Variants in CTSC observed in about 807,000 individuals in gnomAD.
CTSC encodes dipeptidyl peptidase 1.
A neutral mutation model predicts 40.9 loss-of-function variants in CTSC; 37 were observed. That is an observed-to-expected ratio of 0.91 (90% CI 0.70 to 1.19). The LOEUF (loss-of-function observed/expected upper bound fraction) is 1.19. CTSC is among the 50% of genes most tolerant of loss of function. The probability of loss-of-function intolerance (pLI) is 0.00; values close to 1 mark genes in which losing one functional copy is unlikely to be tolerated. For missense variants in CTSC, 594 were observed against 567.3 expected (o/e 1.05, Z -0.48); for synonymous variants, 232 against 207.4 (o/e 1.12, Z -1.02).
At chr11:88,313,467 A>C (rs1025488216) in intron 2 of CTSC, among the ~76,000 whole-genome samples, 10 of 152,206 alleles carry the variant, frequency 6.6e-5, no homozygotes, top group Non-Finnish European at 1.5e-4. Context: ...ACTTTATTTC[A>C]GTAATATGGC....
chr11:88,315,387 A>C (rs572696660), intron 2 of CTSC, among the ~76,000 whole-genome samples: 20 of 152,350 alleles, frequency 1.3e-4, no homozygotes, highest in Admixed American at 1.2e-3. Context: ...GAAAATGCCC[A>C]AATTTAAAAA....
intron 2 of CTSC, chr11:88,328,008 A>G (rs1938237830): frequency 1.3e-6 from 1 of 796,440 alleles, no homozygotes; most frequent in Admixed American, 1.8e-5. Flanking sequence ...TAATCTCTCC[A>G]GTCACCCTCT....
In CTSC at chr11:88,303,802, A is replaced by G. The variant is rs190712463; in HGVS notation, c.642-3157T>C. ...CTCTCTGTTCAGTGTTCCTTCCTTT[A>G]GGGTATGACACAGGACATCTTTGGA... On this transcript the variant is annotated intron_variant, in intron 4 of 6. Coordinates refer to ENST00000227266, the MANE Select transcript of CTSC (RefSeq NM_001814.6). 2.9e-4 allele frequency among the ~76,000 whole-genome samples: 44 copies of G among 152,322 alleles called. No homozygotes were observed. In the East Asian group the frequency reaches 8.3e-3, roughly 29 times the overall value.
intron 4 of CTSC, among the ~76,000 whole-genome samples, chr11:88,301,806 G>A (rs1007651781): frequency 3.4e-4 from 17 of 49,568 alleles, no homozygotes; most frequent in South Asian, 1.7e-3. Context: ...ACAAACACAC[G>A]CGCGCACACA....
intron 2 of CTSC, chr11:88,325,356 C>T: frequency 3.0e-6 from 3 of 985,434 alleles, no homozygotes. Flanking sequence ...GAAACCTAAG[C>T]TTCAAGGCAG....
At chr11:88,300,137 G>A (rs1002572972) in intron 5 of CTSC, among the ~76,000 whole-genome samples, 2 of 152,134 alleles carry the variant, frequency 1.3e-5, no homozygotes, top group African/African-American at 2.4e-5. Flanking sequence ...CTAAATTAAT[G>A]GGGGTGGGGG....
Position 88,294,187 on chromosome 11 carries a change from T to C in CTSC, c.1211A>G (p.Asn404Ser), listed in dbSNP as rs542923002. The change falls in exon 7 of 7, where the codon AAT (asparagine) becomes AGT (serine). Residue 404 changes from asparagine (N) to serine (S), a missense_variant. Transcript: ENST00000227266. ...RDPFNPFELT[N>S]HAVLLVGYGT... The stretch of plus-strand genomic sequence containing the variant: ...ATAGCCCACAAGCAGAACAGCATGA[T>C]TAGTCAGCTCAAAGGGGTTGAAAGG... 2 of 1,613,798 alleles carry C rather than the reference T, an allele frequency of 1.2e-6. No homozygotes were observed. Among genetic ancestry groups the C allele is most frequent in the East Asian group, 4.5e-5 (2 of 44,840 alleles).
Position 88,294,362 on chromosome 11 carries a change from G to C in CTSC, c.1036C>G (p.His346Asp). ...DCFRYYSSEYHYVGGFYGGCN... is the reference protein window; with the variant it reads ...DCFRYYSSEYDYVGGFYGGCN... ...CCTCCATAGAAACCTCCTACATAGT[G>C]GTACTCAGAGGAGTAATAACGAAAG... The change falls in exon 7 of 7, where the codon CAC becomes GAC. Residue 346 changes from histidine (H) to aspartate (D), a missense_variant. His to Asp is a moderately conservative substitution (Grantham distance 81, BLOSUM62 -1). Coordinates refer to ENST00000227266, the MANE Select transcript of CTSC (RefSeq NM_001814.6). 1 of 1,614,072 alleles carries C rather than the reference G, an allele frequency of 6.2e-7. No homozygotes were observed. The highest frequency in any genetic ancestry group is 8.5e-7 in the Non-Finnish European group (1 of 1,179,996).
chr11:88,313,045 C>CA (rs1486724529), intron 2 of CTSC, among the ~76,000 whole-genome samples: 11 of 152,168 alleles, frequency 7.2e-5, no homozygotes, highest in African/African-American at 2.4e-4. Context: ...ACAAGGGCCA[C>CA]ACTAGGAAAC....
At chr11:88,328,022 G>A in intron 2 of CTSC, 2 of 850,114 alleles carry the variant, frequency 2.4e-6, no homozygotes, top group East Asian at 4.9e-5. Flanking sequence ...ACCCTCTGAT[G>A]AATAAATAGG....
At position 88,327,674 on chromosome 11, in the gene CTSC, C is replaced by A. The variant is rs138399818; in HGVS notation, c.318+7263G>T. Among the ~76,000 whole-genome samples, 338 of 152,256 alleles carry A rather than the reference C, an allele frequency of 2.2e-3. 6 individuals are homozygous for A. The East Asian group carries it at 0.033, about 15-fold the overall frequency. On this transcript the variant is annotated intron_variant, in intron 2 of 6. Coordinates refer to ENST00000227266, the MANE Select transcript of CTSC (RefSeq NM_001814.6). Reference sequence around the variant, plus strand: ...TATGTCAATTTCTCTGTAAAAGCCACCTTCTCTGTGGAAGACAGATCTAAG... The same window carrying A: ...TATGTCAATTTCTCTGTAAAAGCCAACTTCTCTGTGGAAGACAGATCTAAG...
intron 2 of CTSC, among the ~76,000 whole-genome samples, chr11:88,318,506 A>C (rs1021231379): frequency 1.3e-5 from 2 of 152,226 alleles, no homozygotes; most frequent in Admixed American, 1.3e-4. Context: ...ATTCTATCCA[A>C]AACTGCCAAC....
chr11:88,337,720 C>T lies in CTSC; in HGVS notation c.-48G>A, dbSNP rs200415443. ...GGTGAAGAATTACCAGGAAGCCGAGCGCTGCGGGCTAGCGGTGAGTCCACC... is the reference window on the plus strand; with the variant it reads ...GGTGAAGAATTACCAGGAAGCCGAGTGCTGCGGGCTAGCGGTGAGTCCACC... On this transcript the variant is annotated 5_prime_UTR_variant, in exon 1 of 7. Coordinates refer to ENST00000227266, the MANE Select transcript of CTSC (RefSeq NM_001814.6). The T allele has an allele frequency of 2.8e-4, 433 of 1,547,942 alleles. No individual in the cohort carries two copies. Among genetic ancestry groups the T allele is most frequent in the Middle Eastern group, 2.2e-3 (13 of 5,978 alleles).
intron 1 of CTSC, among the ~76,000 whole-genome samples, chr11:88,336,240 A>T (rs1172728633): frequency 6.1e-4 from 5 of 8,132 alleles, no homozygotes; most frequent in African/African-American, 2.1e-3. Flanking sequence ...CTCAAATTTA[A>T]AAAAAAAAAA....
intron 2 of CTSC, chr11:88,326,526 T>TAAAAAAA: frequency 1.5e-6 from 1 of 668,672 alleles, no homozygotes; most frequent in African/African-American, 1.9e-5. Flanking sequence ...TTTCTTTAAG[T>TAAAAAAA]AAAAAAAAAA....
At chr11:88,301,990 A>T (rs1039143663) in intron 4 of CTSC, among the ~76,000 whole-genome samples, 10 of 151,994 alleles carry the variant, frequency 6.6e-5, no homozygotes, top group African/African-American at 2.2e-4. Flanking sequence ...TTTTTCCCTA[A>T]CTTGTAATTT....
chr11:88,309,025 G>T, intron 4 of CTSC, 138 bp downstream of exon 4: 1 of 736,804 alleles, frequency 1.4e-6, no homozygotes, highest in Non-Finnish European at 2.4e-6. Flanking sequence ...AGGAGATAAA[G>T]ATCGTTAACA....
chr11:88,308,788 T>A (rs1482346103), intron 4 of CTSC, among the ~76,000 whole-genome samples: 1 of 152,136 alleles, frequency 6.6e-6, no homozygotes, highest in Non-Finnish European at 1.5e-5. Context: ...GCCAGCCTAG[T>A]GTCTCTTAAG....
At chr11:88,328,299 C>A (rs1049646451) in intron 2 of CTSC, 1 of 812,470 alleles carries the variant, frequency 1.2e-6, no homozygotes, top group Admixed American at 2.0e-5. Context: ...TGCTAAACTT[C>A]TGATACTTTT....
Sources: gnomAD v4.1 joint callset for allele counts (sites outside exome capture counted in the v4.1 genomes callset) on GRCh38, gnomAD v4.1.1 for gene constraint, MANE v1.5 for transcripts, NCBI Gene and HGNC (gene_info 2026-07-23, HGNC 2026-07-21) for gene names.